The following BBS9 variants were observed in gnomAD, a reference collection of about 807,000 sequenced individuals.
BBS9 encodes the protein Bardet-Biedl syndrome 9.
In BBS9, 89 loss-of-function variants were observed where a neutral mutation model predicts 117.7. The ratio of observed to expected loss-of-function variants is 0.76; its 90% CI spans 0.64 to 0.90. The LOEUF (loss-of-function observed/expected upper bound fraction) is 0.90, where lower values mean the gene tolerates loss of function less well. BBS9 is among the 40% of genes least tolerant of loss of function. BBS9 has a pLI of 0.00. For synonymous variants in BBS9, 379 were observed against 370.9 expected, an observed-to-expected ratio of 1.02 and a Z score of -0.25; for missense variants, 982 against 1,042.2, an observed-to-expected ratio of 0.94 and a Z score of 0.80.
intron 21 of BBS9, among the ~76,000 whole-genome samples, chr7:33,556,185 A>G (rs73690919): frequency 0.014 from 2,158 of 152,310 alleles, 45 homozygotes; most frequent in African/African-American, 0.049. Flanking sequence ...CTCTCACGGC[A>G]ATAGGAGTGA....
At chr7:33,363,153 A>T (rs1263363167) in intron 16 of BBS9, among the ~76,000 whole-genome samples, 1 of 152,158 alleles carries the variant, frequency 6.6e-6, no homozygotes, top group African/African-American at 2.4e-5. Context: ...TCTAGGCTGG[A>T]GTGCAGTGGT....
rs540896559 is a variant in BBS9 at position 33,621,750 on chromosome 7, A to C, written c.2522-13427A>C. Among the ~76,000 whole-genome samples the C allele has an allele frequency of 1.2e-3, 182 of 152,346 alleles. 2 individuals carry two copies. The highest frequency in any genetic ancestry group is 1.9e-3 in the Non-Finnish European group (130 of 68,018). Reference sequence around the variant, plus strand: ...CATGTTTATTGCACCATTATTCACCATAGCCAAGGTATGGAATTAACCTAA... The same window carrying C: ...CATGTTTATTGCACCATTATTCACCCTAGCCAAGGTATGGAATTAACCTAA... On this transcript the variant is annotated intron_variant, in intron 21 of 21. Transcript: ENST00000671952.
rs1790806302 is a variant in BBS9 at position 33,138,017 on chromosome 7, T to C, written c.-12+7976T>C. On this transcript the variant is annotated intron_variant, in intron 1 of 22. Transcript: ENST00000242067. ...CATAGGTTTAAAAATTAGCCCTTCC[T>C]CCACAGTCTTTAAAGATTAAAATAA... Among the ~76,000 whole-genome samples the C allele has an allele frequency of 2.6e-5, 4 of 152,306 alleles. No homozygotes were observed. In the South Asian group the frequency reaches 8.3e-4, roughly 32 times the overall value.
chr7:33,459,535 T>A (rs1584907189), intron 19 of BBS9, among the ~76,000 whole-genome samples: 1 of 152,140 alleles, frequency 6.6e-6, no homozygotes, highest in East Asian at 1.9e-4. Flanking sequence ...TTAAAAGAAG[T>A]GGCCCGTCTC....
chr7:33,483,655 C>G (rs996558794), intron 19 of BBS9, among the ~76,000 whole-genome samples: 14 of 150,888 alleles, frequency 9.3e-5, no homozygotes, highest in Admixed American at 6.6e-4. Flanking sequence ...TTTTTTGAGC[C>G]AGAATCTCAC....
chr7:33,336,388 A>G, intron 9 of BBS9, 53 bp from the exon 10 acceptor site: 1 of 1,437,982 alleles, frequency 7.0e-7, no homozygotes, highest in Non-Finnish European at 9.7e-7. Context: ...GTTGGTCAAG[A>G]CTAACTCTAC....
At chr7:33,607,055 C>T (rs939093616), downstream of BBS9, among the ~76,000 whole-genome samples, 2 of 152,128 alleles carry the variant, frequency 1.3e-5, no homozygotes, top group Non-Finnish European at 2.9e-5. Flanking sequence ...TGCCTCTCTA[C>T]ATACCTCTCT....
chr7:33,537,993 C>T (rs1221482008), intron 21 of BBS9, among the ~76,000 whole-genome samples: 6 of 152,072 alleles, frequency 3.9e-5, no homozygotes, highest in Admixed American at 3.3e-4. Flanking sequence ...AAGTGACGGC[C>T]CATCAGATAG....
intron 19 of BBS9, among the ~76,000 whole-genome samples, chr7:33,425,148 T>C (rs961212977): frequency 6.6e-6 from 1 of 152,136 alleles, no homozygotes; most frequent in Non-Finnish European, 1.5e-5. Flanking sequence ...TTTTGTTATC[T>C]ACCATTCTAC....
intron 1 of BBS9, among the ~76,000 whole-genome samples, chr7:33,140,504 G>A (rs1009722490): frequency 6.6e-6 from 1 of 152,106 alleles, no homozygotes; most frequent in African/African-American, 2.4e-5. Context: ...TCCTCCTAGG[G>A]AATCATTGGC....
intron 20 of BBS9, among the ~76,000 whole-genome samples, chr7:33,529,629 C>G (rs867399059): frequency 2.0e-5 from 3 of 152,076 alleles, no homozygotes; most frequent in Middle Eastern, 3.2e-3. Context: ...ATCCCCTTCC[C>G]TTCCCCAGTT....
chr7:33,229,091 A>T (rs1453371888), intron 5 of BBS9, among the ~76,000 whole-genome samples: 1 of 152,198 alleles, frequency 6.6e-6, no homozygotes, highest in Non-Finnish European at 1.5e-5. Flanking sequence ...GGTATACAAC[A>T]TGATTTATGA....
intron 19 of BBS9, among the ~76,000 whole-genome samples, chr7:33,477,441 A>C (rs543126810): frequency 4.6e-5 from 7 of 152,328 alleles, no homozygotes; most frequent in Admixed American, 6.5e-5. Flanking sequence ...TTTACTGTGC[A>C]TCTGGCTACT....
intron 11 of BBS9, among the ~76,000 whole-genome samples, chr7:33,344,206 C>T (rs189685045): frequency 0.07 from 10,527 of 150,346 alleles, 410 homozygotes; most frequent in African/African-American, 0.088. Flanking sequence ...CTCAGCCTCC[C>T]GAGTAGCTGG....
At chr7:33,518,399 C>T (rs957657131) in intron 20 of BBS9, among the ~76,000 whole-genome samples, 20 of 151,618 alleles carry the variant, frequency 1.3e-4, no homozygotes, top group African/African-American at 3.9e-4. Flanking sequence ...TACAGGCGTG[C>T]GCCACTACGC....
intron 5 of BBS9, among the ~76,000 whole-genome samples, chr7:33,234,736 C>A (rs1393836688): frequency 1.3e-5 from 2 of 151,622 alleles, no homozygotes; most frequent in African/African-American, 4.8e-5. Context: ...TATACATGCA[C>A]ATATATGTAT....
At chr7:33,548,723 T>C (rs558209290) in intron 21 of BBS9, among the ~76,000 whole-genome samples, 1,581 of 151,498 alleles carry the variant, frequency 0.01, 29 homozygotes, top group African/African-American at 0.036. Context: ...TTACAAGGGA[T>C]GTGAAGGACC....
At chr7:33,435,652 T>C (rs1480497845) in intron 19 of BBS9, among the ~76,000 whole-genome samples, 1 of 152,164 alleles carries the variant, frequency 6.6e-6, no homozygotes, top group African/African-American at 2.4e-5. Context: ...GTTGGCAATA[T>C]CCTGTGTTTG....
At chr7:33,304,239 C>G (rs1236898640) in intron 9 of BBS9, among the ~76,000 whole-genome samples, 28 of 147,144 alleles carry the variant, frequency 1.9e-4, no homozygotes, top group African/African-American at 6.9e-4. Flanking sequence ...CCGGCCACCC[C>G]ATCTGGGATG....
Sources: gnomAD v4.1 joint callset for allele counts (sites outside exome capture counted in the v4.1 genomes callset) on GRCh38, gnomAD v4.1.1 for gene constraint, MANE v1.5 for transcripts, NCBI Gene and HGNC (gene_info 2026-07-23, HGNC 2026-07-21) for gene names.